PCDHGB4: variants seen among roughly 807,000 people sequenced by gnomAD.
PCDHGB4 encodes protocadherin gamma subfamily B, 4.
A neutral mutation model predicts 60.5 loss-of-function variants in PCDHGB4; 38 were observed. The ratio of observed to expected loss-of-function variants is 0.63; its 90% CI spans 0.48 to 0.82. The LOEUF (loss-of-function observed/expected upper bound fraction) is 0.82, where lower values mean the gene tolerates loss of function less well. Among genes scored for constraint, PCDHGB4 ranks in the 40% least tolerant of loss-of-function variants. The probability of loss-of-function intolerance (pLI) is 0.00; values close to 1 mark genes in which losing one functional copy is unlikely to be tolerated. For synonymous variants in PCDHGB4, 456 were observed against 509.7 expected (o/e 0.89, Z 1.42); for missense variants, 1,109 against 1,209.6 (o/e 0.92, Z 1.23).
chr5:141,479,801 G>A (rs2099507037), intron 1 of PCDHGB4, among the ~76,000 whole-genome samples: 1 of 152,118 alleles, frequency 6.6e-6, no homozygotes, highest in Non-Finnish European at 1.5e-5. Flanking sequence ...AATTCAGGGT[G>A]GTATGCAAGG....
intron 1 of PCDHGB4, chr5:141,421,945 A>T: frequency 2.5e-6 from 4 of 1,613,342 alleles, no homozygotes; most frequent in Non-Finnish European, 3.4e-6. Context: ...AAATGATCAC[A>T]TCCCAATGTT....
At chr5:141,406,043 A>G (rs1346440934) in intron 1 of PCDHGB4, among the ~76,000 whole-genome samples, 3 of 150,174 alleles carry the variant, frequency 2.0e-5, no homozygotes, top group East Asian at 3.9e-4. Context: ...CATTGGTTGC[A>G]GTGGACTCAT....
chr5:141,413,984 C>T (rs898207454), intron 1 of PCDHGB4: 2 of 1,613,300 alleles, frequency 1.2e-6, no homozygotes, highest in African/African-American at 2.7e-5. Flanking sequence ...ACAGTCACAG[C>T]CACCGACAGG....
chr5:141,389,069 T>A lies in PCDHGB4; in HGVS notation c.1185T>A (p.Ser395=). The A allele has an allele frequency of 6.2e-7, 1 of 1,614,016 alleles. No homozygotes were observed. The highest frequency in any genetic ancestry group is 8.5e-7 in the Non-Finnish European group (1 of 1,179,878). The part of the protein sequence containing the change: ...EGDVPFKILT[S]SRNTYKLVTD... The stretch of plus-strand genomic sequence containing the variant: ...ATGTTCCATTTAAAATATTAACTTC[T>A]TCAAGAAACACGTATAAATTAGTGA... The change falls in exon 1 of 4, where the codon TCT becomes TCA. Residue 395 remains serine (S), a synonymous_variant. Coordinates refer to ENST00000519479, the MANE Select transcript of PCDHGB4 (RefSeq NM_003736.4).
intron 1 of PCDHGB4, 177 bp from the exon 2 acceptor site, chr5:141,494,630 C>T (rs991482599): frequency 5.8e-6 from 5 of 866,562 alleles, no homozygotes; most frequent in Non-Finnish European, 6.9e-6. Flanking sequence ...GTACCTCAGA[C>T]CTCTGAGACC....
Position 141,489,352 on chromosome 5 carries a change from G to A in PCDHGB4, c.2398-5455G>A, listed in dbSNP as rs1336068787. 1.9e-6 allele frequency: 3 copies of A among 1,612,152 alleles called. No homozygotes were observed. In the Admixed American group the frequency reaches 5.0e-5, roughly 27 times the overall value. On this transcript the variant is annotated intron_variant, in intron 1 of 3. Transcript: ENST00000519479. The surrounding 1 kb of genome is among the most constrained non-coding windows in gnomAD (Gnocchi z 4.5). ...GCAGCTTCGTTACTCAGTGGTGGAG[G>A]AGTCTGAGCCGGGGACGCTGGTGGG...
chr5:141,409,125 AT>A, intron 1 of PCDHGB4: 1 of 1,613,982 alleles, frequency 6.2e-7, no homozygotes, highest in Non-Finnish European at 8.5e-7. Context: ...CAGTCATTTG[AT>A]TTTGAAGATG....
intron 1 of PCDHGB4, among the ~76,000 whole-genome samples, chr5:141,480,768 A>G (rs1371582817): frequency 6.6e-6 from 1 of 152,162 alleles, no homozygotes; most frequent in African/African-American, 2.4e-5. Flanking sequence ...TCCCCACTTG[A>G]TCCTAATGTG....
chr5:141,509,709 T>C (rs1344120168), intron 3 of PCDHGB4, among the ~76,000 whole-genome samples: 1 of 152,200 alleles, frequency 6.6e-6, no homozygotes, highest in African/African-American at 2.4e-5. Context: ...CTGGAGGTGC[T>C]GTCTGATGTC....
chr5:141,415,536 G>A (rs1561758201), intron 1 of PCDHGB4: 1 of 1,614,150 alleles, frequency 6.2e-7, no homozygotes, highest in Non-Finnish European at 8.5e-7. Flanking sequence ...TCAGCCAGGA[G>A]AGCTGTGAGA....
chr5:141,435,760 T>C (rs1241767830), intron 1 of PCDHGB4, among the ~76,000 whole-genome samples: 1 of 152,172 alleles, frequency 6.6e-6, no homozygotes, highest in Non-Finnish European at 1.5e-5. Context: ...TTGATTTCTT[T>C]TGGTGAATTC....
At chr5:141,419,299 C>T in intron 1 of PCDHGB4, 12 of 1,614,048 alleles carry the variant, frequency 7.4e-6, no homozygotes, top group Non-Finnish European at 1.0e-5. Flanking sequence ...CTGACCCAGA[C>T]TTCGGGCTCA....
At chr5:141,399,635 T>C (rs1237333371) in intron 1 of PCDHGB4, 1 of 1,613,746 alleles carries the variant, frequency 6.2e-7, no homozygotes, top group Admixed American at 1.7e-5. Context: ...TACGTGTCCA[T>C]GAGCGCGCAA....
Position 141,388,348 on chromosome 5 carries a change from G to A in PCDHGB4, c.464G>A (p.Gly155Glu). 6.2e-7 allele frequency: 1 copy of A among 1,613,974 alleles called. No individual in the cohort carries two copies. The highest frequency in any genetic ancestry group is 1.1e-5 in the South Asian group (1 of 91,078). The change falls in exon 1 of 4, where the codon GGA becomes GAA. Residue 155 changes from glycine to glutamate, a missense_variant. Physicochemically the swap from Gly to Glu is moderately conservative, Grantham distance 98. Transcript: ENST00000519479. ...SAQPGTRFIL[G>E]SAHDADIGSN... is the part of the protein sequence containing the mutation. Reference sequence around the variant, plus strand: ...CAGCCTGGCACACGATTTATATTAGGATCTGCCCATGATGCGGATATTGGT... The same window carrying A: ...CAGCCTGGCACACGATTTATATTAGAATCTGCCCATGATGCGGATATTGGT...
At chr5:141,433,391 CTA>C (rs1477426085) in intron 1 of PCDHGB4, among the ~76,000 whole-genome samples, 3 of 151,570 alleles carry the variant, frequency 2.0e-5, no homozygotes, top group African/African-American at 7.3e-5. Context: ...ATCTATCTAT[CTA>C]TCTATCTATC....
intron 1 of PCDHGB4, among the ~76,000 whole-genome samples, chr5:141,479,979 T>C (rs67253891): frequency 0.061 from 9,352 of 152,266 alleles, 334 homozygotes; most frequent in South Asian, 0.12. Context: ...GTTCTACCAT[T>C]TACCAACTAG....
chr5:141,498,437 G>C (rs996627716), intron 2 of PCDHGB4, among the ~76,000 whole-genome samples: 1 of 152,170 alleles, frequency 6.6e-6, no homozygotes, highest in Non-Finnish European at 1.5e-5. Flanking sequence ...GGGATGAAGA[G>C]GAGAGGTTCC....
chr5:141,402,895 A>G, intron 1 of PCDHGB4: 1 of 1,505,744 alleles, frequency 6.6e-7, no homozygotes, highest in South Asian at 1.4e-5. Context: ...GGAAGAAAGA[A>G]CCTGATGAAG....
intron 1 of PCDHGB4, among the ~76,000 whole-genome samples, chr5:141,450,814 A>C (rs990515429): frequency 1.5e-5 from 2 of 136,790 alleles, no homozygotes; most frequent in Non-Finnish European, 3.1e-5. Context: ...TTATTTATTT[A>C]ATATTATTAT....
Sources: gnomAD v4.1 joint callset for allele counts (sites outside exome capture counted in the v4.1 genomes callset) on GRCh38, gnomAD v4.1.1 for gene constraint, Gnocchi (gnomAD v3.1) non-coding constraint, MANE v1.5 for transcripts, NCBI Gene and HGNC (gene_info 2026-07-23, HGNC 2026-07-21) for gene names.